Variants in SLC26A7 observed in about 807,000 individuals in gnomAD.
SLC26A7 encodes solute carrier family 26 member 7, also known as anion exchange transporter.
SLC26A7 carries 59 observed loss-of-function variants against 82.5 expected under a neutral mutation model. The observed-to-expected ratio is 0.72, with a 90% CI of 0.58 to 0.89. The LOEUF (loss-of-function observed/expected upper bound fraction) is 0.89, where lower values mean the gene tolerates loss of function less well. Ranked by LOEUF, SLC26A7 falls within the 40% of genes least tolerant of loss-of-function variation. SLC26A7 has a pLI of 0.00. For synonymous variants in SLC26A7, 271 were observed against 274.3 expected, an observed-to-expected ratio of 0.99 and a Z score of 0.12; for missense variants, 820 against 793.0, an observed-to-expected ratio of 1.03 and a Z score of -0.41.
chr8:91,328,381 T>C (rs1812990739), intron 5 of SLC26A7, among the ~76,000 whole-genome samples: 1 of 152,158 alleles, frequency 6.6e-6, no homozygotes, highest in South Asian at 2.1e-4. Flanking sequence ...TACTTAAAAT[T>C]ACTGCAATGG....
intron 2 of SLC26A7, among the ~76,000 whole-genome samples, chr8:91,236,567 T>TTA (rs1554599934): frequency 6.6e-6 from 1 of 150,380 alleles, no homozygotes; most frequent in Non-Finnish European, 1.5e-5. Context: ...TCTGTGCAGA[T>TTA]AAAAAAAAAA....
chr8:91,340,233 A>G (rs1413975786), intron 7 of SLC26A7, among the ~76,000 whole-genome samples, 171 bp from the exon 8 acceptor site: 1 of 152,176 alleles, frequency 6.6e-6, no homozygotes, highest in Non-Finnish European at 1.5e-5. Context: ...CTATTCTGCT[A>G]AATAATGTTG....
chr8:91,359,876 A>ATGTGTG (rs33943189), intron 11 of SLC26A7, among the ~76,000 whole-genome samples: 7,341 of 139,354 alleles, frequency 0.053, 180 homozygotes, highest in African/African-American at 0.074. Flanking sequence ...TATCCAAGAT[A>ATGTGTG]TGTGTGTGTG....
chr8:91,219,013 G>T, intron 2 of SLC26A7: 2 of 1,445,378 alleles, frequency 1.4e-6, no homozygotes, highest in Non-Finnish European at 1.9e-6. Context: ...CAGGTGAGGT[G>T]CTCATTCATA....
intron 4 of SLC26A7, among the ~76,000 whole-genome samples, chr8:91,298,421 C>CTTTTCCTCCAATG (rs1404146187): frequency 6.6e-6 from 1 of 151,994 alleles, no homozygotes; most frequent in East Asian, 1.9e-4. Flanking sequence ...TTGCTCTTTG[C>CTTTTCCTCCAATG]CTTTTTTTGC....
Position 91,318,273 on chromosome 8 carries a change from A to T in SLC26A7, c.535A>T (p.Ile179Phe). 3.1e-6 allele frequency: 5 copies of T among 1,611,112 alleles called. No homozygotes were observed. The highest frequency in any genetic ancestry group is 4.2e-6 in the Non-Finnish European group (5 of 1,178,488). ...CACATTTGTGGTCACAGAGCCTGTG[A>T]TCAGCGCAATGACAACTGGGGCTGC... is the stretch of plus-strand genomic sequence containing the variant. Reference protein sequence around the residue: ...SATFVVTEPVISAMTTGAATH... With the variant: ...SATFVVTEPVFSAMTTGAATH... Residue 179 changes from isoleucine to phenylalanine, a missense_variant, in exon 5 of 19, where the codon ATC (isoleucine) becomes TTC (phenylalanine). By Grantham distance (21) the Ile-to-Phe change is conservative (BLOSUM62 0). Coordinates refer to ENST00000276609, the MANE Select transcript of SLC26A7 (RefSeq NM_052832.4).
At chr8:91,339,034 A>G (rs1473406798) in intron 7 of SLC26A7, among the ~76,000 whole-genome samples, 1 of 152,196 alleles carries the variant, frequency 6.6e-6, no homozygotes, top group East Asian at 1.9e-4. Context: ...TCCTATCTTT[A>G]GCACATATAG....
Position 91,295,635 on chromosome 8 carries a change from T to A in SLC26A7, c.409T>A (p.Leu137Ile). The change falls in exon 4 of 19, where the codon TTA becomes ATA. Residue 137 changes from leucine to isoleucine, a missense_variant. By Grantham distance (5) the Leu-to-Ile change is conservative (BLOSUM62 2). Coordinates refer to ENST00000276609, the MANE Select transcript of SLC26A7 (RefSeq NM_052832.4). Reference protein sequence around the residue: ...TTQSNTSVLGLSDFEMQRIHV... With the variant: ...TTQSNTSVLGISDFEMQRIHV... ...ACAGAGTAACACAAGCGTGCTGGGC[T>A]TATCCGACTTTGAAATGCAAAGGAT... 1 of 1,614,104 alleles carries A rather than the reference T, an allele frequency of 6.2e-7. No homozygotes were observed. The highest frequency in any genetic ancestry group is 2.2e-5 in the East Asian group (1 of 44,886).
chr8:91,334,216 GT>G (rs1813175659), intron 5 of SLC26A7, 78 bp from the exon 6 acceptor site: 3 of 1,331,846 alleles, frequency 2.3e-6, no homozygotes, highest in Non-Finnish European at 2.1e-6. Context: ...ACATCATTGA[GT>G]TTATTGGGGC....
chr8:91,270,525 T>G (rs67995265), intron 2 of SLC26A7, among the ~76,000 whole-genome samples: 16,827 of 152,124 alleles, frequency 0.11, 1,107 homozygotes, highest in Middle Eastern at 0.21. Context: ...CAGCTCCACT[T>G]GAGCACCAGA....
intron 6 of SLC26A7, among the ~76,000 whole-genome samples, chr8:91,335,867 C>G (rs1477413076): frequency 6.6e-6 from 1 of 152,106 alleles, no homozygotes; most frequent in Non-Finnish European, 1.5e-5. Flanking sequence ...TATGTTCTGC[C>G]AGTATGTGGC....
At chr8:91,334,599 G>T in intron 6 of SLC26A7, 152 bp downstream of exon 6, 1 of 576,566 alleles carries the variant, frequency 1.7e-6, no homozygotes, top group African/African-American at 1.9e-5. Flanking sequence ...ACACATTAAT[G>T]TAAGAACAGG....
intron 2 of SLC26A7, among the ~76,000 whole-genome samples, chr8:91,243,914 CATAA>C (rs1810507404): frequency 6.6e-6 from 1 of 152,058 alleles, no homozygotes; most frequent in Admixed American, 6.6e-5. Flanking sequence ...AATATAAAGA[CATAA>C]ATAAAAGTAA....
intron 6 of SLC26A7, among the ~76,000 whole-genome samples, chr8:91,336,994 C>G (rs1450613589): frequency 1.3e-5 from 2 of 152,080 alleles, no homozygotes. Flanking sequence ...CTGATTCTAA[C>G]TTAATAGCCT....
intron 4 of SLC26A7, among the ~76,000 whole-genome samples, chr8:91,317,055 G>A: frequency 6.8e-6 from 1 of 146,556 alleles, no homozygotes; most frequent in South Asian, 2.2e-4. Flanking sequence ...AGCTATTCAG[G>A]AGGCTAAAAT....
At chr8:91,238,481 C>G (rs1284868024) in intron 2 of SLC26A7, among the ~76,000 whole-genome samples, 2 of 151,036 alleles carry the variant, frequency 1.3e-5, no homozygotes, top group African/African-American at 4.9e-5. Flanking sequence ...GTTACATTCA[C>G]TTTTTTGTGC....
chr8:91,315,786 G>A (rs915370293), intron 4 of SLC26A7, among the ~76,000 whole-genome samples: 1 of 152,086 alleles, frequency 6.6e-6, no homozygotes, highest in Admixed American at 6.5e-5. Context: ...CTGGTGACTG[G>A]TTTTCCATAC....
intron 18 of SLC26A7, 103 bp downstream of exon 18, chr8:91,394,142 A>G: frequency 6.3e-7 from 1 of 1,593,872 alleles, no homozygotes; most frequent in Non-Finnish European, 8.6e-7. Flanking sequence ...TGGCATCTAA[A>G]ATCTGTTAGC....
upstream of SLC26A7, among the ~76,000 whole-genome samples, chr8:91,244,998 G>GTTGATTGTTGGC (rs1810524911): frequency 6.6e-6 from 1 of 152,164 alleles, no homozygotes; most frequent in Non-Finnish European, 1.5e-5. Context: ...TGAGAACATA[G>GTTGATTGTTGGC]AACTTTGCTC....
Sources: gnomAD v4.1 joint callset for allele counts (sites outside exome capture counted in the v4.1 genomes callset) on GRCh38, gnomAD v4.1.1 for gene constraint, MANE v1.5 for transcripts, NCBI Gene and HGNC (gene_info 2026-07-23, HGNC 2026-07-21) for gene names.